Variants in KIAA1217 observed in about 807,000 individuals in gnomAD.
KIAA1217 encodes sickle tail protein homolog.
Under a neutral mutation model 163.9 loss-of-function variants are expected in KIAA1217, and 88 were observed. The ratio of observed to expected loss-of-function variants is 0.54; its 90% confidence interval spans 0.45 to 0.64. KIAA1217 has a LOEUF of 0.64. Ranked by LOEUF, KIAA1217 falls within the 30% of genes least tolerant of loss-of-function variation. The pLI, the probability that KIAA1217 is intolerant of heterozygous loss-of-function variation, is 0.00. For missense variants in KIAA1217, 2,372 were observed against 2,475.0 expected, an observed-to-expected ratio of 0.96 and a Z score of 0.88; for synonymous variants, 903 against 923.1, an observed-to-expected ratio of 0.98 and a Z score of 0.39.
At chr10:23,932,801 A>C (rs1843310553) in intron 1 of KIAA1217, among the ~76,000 whole-genome samples, 1 of 152,222 alleles carries the variant, frequency 6.6e-6, no homozygotes, top group African/African-American at 2.4e-5. Context: ...CTGGTTGCAC[A>C]ACTGTGTGAG....
intron 1 of KIAA1217, among the ~76,000 whole-genome samples, chr10:23,779,754 A>G (rs1835171063): frequency 6.6e-6 from 1 of 152,202 alleles, no homozygotes; most frequent in African/African-American, 2.4e-5. Context: ...TATTTATTTC[A>G]AAGAAATGGT....
At chr10:24,300,316 T>C (rs2041158424) in intron 2 of KIAA1217, among the ~76,000 whole-genome samples, 2 of 152,352 alleles carry the variant, frequency 1.3e-5, no homozygotes, top group East Asian at 3.9e-4. Context: ...TGCTAGTTAT[T>C]AGAAAAGTGA....
chr10:23,915,091 G>A (rs1241192120), intron 1 of KIAA1217, among the ~76,000 whole-genome samples: 1 of 151,676 alleles, frequency 6.6e-6, no homozygotes, highest in Non-Finnish European at 1.5e-5. Flanking sequence ...AGGGAAGAAA[G>A]GAAAGAAAGG....
intron 2 of KIAA1217, among the ~76,000 whole-genome samples, chr10:24,063,223 G>T (rs546510878): frequency 1.3e-5 from 2 of 152,296 alleles, no homozygotes; most frequent in African/African-American, 4.8e-5. Flanking sequence ...CCATGCCTAT[G>T]TCCTGAATGG....
intron 1 of KIAA1217, among the ~76,000 whole-genome samples, chr10:23,983,237 G>T (rs1845842963): frequency 6.6e-6 from 1 of 152,192 alleles, no homozygotes; most frequent in South Asian, 2.1e-4. Context: ...GTACTGCAAA[G>T]TCTCATAGCA....
At chr10:24,280,891 A>T (rs994687190) in intron 2 of KIAA1217, among the ~76,000 whole-genome samples, 6 of 152,156 alleles carry the variant, frequency 3.9e-5, no homozygotes, top group African/African-American at 1.2e-4. Context: ...ATATAAAATT[A>T]TCAAATACTC....
intron 2 of KIAA1217, among the ~76,000 whole-genome samples, chr10:24,187,319 C>T (rs2066484840): frequency 6.6e-6 from 1 of 152,128 alleles, no homozygotes; most frequent in Non-Finnish European, 1.5e-5. Flanking sequence ...GGTGATTAAT[C>T]TGCTCAGAAT....
intron 2 of KIAA1217, among the ~76,000 whole-genome samples, chr10:24,339,311 C>T (rs1050987669): frequency 1.3e-5 from 2 of 152,156 alleles, no homozygotes; most frequent in Non-Finnish European, 2.9e-5. Flanking sequence ...TGGGCATTGT[C>T]ACCCAATTTT....
At chr10:24,407,274 G>A (rs367962062) in intron 3 of KIAA1217, among the ~76,000 whole-genome samples, 47 of 152,106 alleles carry the variant, frequency 3.1e-4, no homozygotes, top group Non-Finnish European at 5.3e-4. Context: ...GTGTGTGTGT[G>A]TGTGTGTGTG....
intron 2 of KIAA1217, among the ~76,000 whole-genome samples, chr10:24,033,181 T>A (rs1848258936): frequency 6.6e-6 from 1 of 152,206 alleles, no homozygotes; most frequent in African/African-American, 2.4e-5. Flanking sequence ...ATAAAGCAAC[T>A]TTTACTGAAA....
intron 2 of KIAA1217, among the ~76,000 whole-genome samples, chr10:24,366,073 G>A (rs1239077494): frequency 1.3e-5 from 2 of 152,144 alleles, no homozygotes; most frequent in Non-Finnish European, 2.9e-5. Context: ...CACTCTTCTT[G>A]CATGAGGATT....
At chr10:23,774,613 G>C (rs1367107169) in intron 1 of KIAA1217, among the ~76,000 whole-genome samples, 1 of 152,144 alleles carries the variant, frequency 6.6e-6, no homozygotes, top group Non-Finnish European at 1.5e-5. Context: ...ATTGGGCCAA[G>C]GGGTGGCTGT....
At chr10:24,252,114 T>C (rs1351158699) in intron 2 of KIAA1217, among the ~76,000 whole-genome samples, 1 of 152,050 alleles carries the variant, frequency 6.6e-6, no homozygotes, top group Non-Finnish European at 1.5e-5. Context: ...TCATCCTAGT[T>C]TTATGGAGGA....
At chr10:23,967,898 A>AGTGTGT (rs1390718135) in intron 1 of KIAA1217, among the ~76,000 whole-genome samples, 37 of 104,602 alleles carry the variant, frequency 3.5e-4, no homozygotes, top group Non-Finnish European at 6.1e-4. Context: ...TAATATATTA[A>AGTGTGT]ATGTGTGTGT....
At chr10:23,965,763 T>C (rs1225043635) in intron 1 of KIAA1217, among the ~76,000 whole-genome samples, 1 of 152,098 alleles carries the variant, frequency 6.6e-6, no homozygotes, top group Non-Finnish European at 1.5e-5. Context: ...GACCTGGAGT[T>C]ATATAGGGCC....
chr10:24,014,451 T>A (rs937935146), intron 2 of KIAA1217, among the ~76,000 whole-genome samples: 1 of 152,164 alleles, frequency 6.6e-6, no homozygotes, highest in South Asian at 2.1e-4. Context: ...AATTGCTTGT[T>A]TACATGCATT....
chr10:23,908,107 G>A (rs1842249930), intron 1 of KIAA1217, among the ~76,000 whole-genome samples: 1 of 152,080 alleles, frequency 6.6e-6, no homozygotes, highest in African/African-American at 2.4e-5. Flanking sequence ...GCAGAGGAAA[G>A]AGGCAAGGTG....
At chr10:23,987,663 C>G (rs1042203661) in intron 1 of KIAA1217, among the ~76,000 whole-genome samples, 5 of 151,306 alleles carry the variant, frequency 3.3e-5, no homozygotes, top group African/African-American at 1.2e-4. Context: ...TCCTTAAAAT[C>G]TACTCTCTTA....
intron 10 of KIAA1217, 67 bp downstream of exon 10, chr10:24,513,501 G>C (rs1285883803): frequency 1.3e-6 from 2 of 1,513,906 alleles, no homozygotes; most frequent in Non-Finnish European, 1.8e-6. Context: ...TACTAAGAAG[G>C]AGGTCCTTCC....
Sources: gnomAD v4.1 joint callset for allele counts (sites outside exome capture counted in the v4.1 genomes callset) on GRCh38, gnomAD v4.1.1 for gene constraint, MANE v1.5 for transcripts, NCBI Gene and HGNC (gene_info 2026-07-23, HGNC 2026-07-21) for gene names.